Variants in PALD1 observed in about 807,000 individuals in gnomAD.
PALD1 encodes the protein paladin.
Under a neutral mutation model 96.0 loss-of-function variants are expected in PALD1, and 57 were observed. The ratio of observed to expected loss-of-function variants is 0.59; its 90% CI spans 0.48 to 0.74. PALD1 has a LOEUF of 0.74. Among genes scored for constraint, PALD1 ranks in the 30% least tolerant of loss-of-function variants. The probability of loss-of-function intolerance (pLI) is 0.00; values close to 1 mark genes in which losing one functional copy is unlikely to be tolerated. For missense variants in PALD1, 1,063 were observed against 1,143.7 expected (o/e 0.93, Z 1.02); for synonymous variants, 464 against 473.6 (o/e 0.98, Z 0.26).
At position 70,547,418 on chromosome 10, in the gene PALD1, G is replaced by A. The variant is rs777613254; in HGVS notation, c.2234G>A (p.Arg745Gln). Residue 745 changes from arginine (R) to glutamine (Q), a missense_variant, in exon 18 of 20, where the codon CGG (arginine) becomes CAG (glutamine). Arg to Gln is a conservative substitution (Grantham distance 43). Coordinates refer to ENST00000263563, the MANE Select transcript of PALD1 (RefSeq NM_014431.3). ...ETMTPMHYHL[R>Q]EIIICTYRQA... is the part of the protein sequence containing the mutation. ...ATGACGCCCATGCACTACCACCTGC[G>A]GGAGATCATCATCTGCACCTACCGC... 2 of 1,612,060 alleles carry A rather than the reference G, an allele frequency of 1.2e-6. No homozygotes were observed. Among genetic ancestry groups the A allele is most frequent in the East Asian group, 2.2e-5 (1 of 44,876 alleles).
chr10:70,491,947 C>T (rs546543457), intron 1 of PALD1, among the ~76,000 whole-genome samples: 1 of 152,324 alleles, frequency 6.6e-6, no homozygotes, highest in Non-Finnish European at 1.5e-5. Context: ...GGCTGAGTAA[C>T]TTTCCATTGT....
chr10:70,541,442 T>C (rs1230261314), intron 16 of PALD1, 21 bp from the exon 17 acceptor site: 2 of 1,611,650 alleles, frequency 1.2e-6, no homozygotes. Flanking sequence ...GGCTTCTGTC[T>C]CAGCAGCTGT....
At chr10:70,483,897 C>A (rs1017120786) in intron 1 of PALD1, among the ~76,000 whole-genome samples, 5 of 152,186 alleles carry the variant, frequency 3.3e-5, no homozygotes, top group African/African-American at 1.2e-4. Flanking sequence ...GGGATGTATA[C>A]ATCAGGTGCT....
the PALD1 span, among the ~76,000 whole-genome samples, chr10:70,471,707 A>G: frequency 6.6e-6 from 1 of 152,250 alleles, no homozygotes; most frequent in Non-Finnish European, 1.5e-5. Context: ...TTTCTAGGCG[A>G]AAGTCCTAGT....
chr10:70,539,084 G>T lies in PALD1; in HGVS notation c.1570-8G>T. On this transcript the variant is annotated splice_region_variant and splice_polypyrimidine_tract_variant and intron_variant, in intron 13 of 19. Transcript: ENST00000263563. This position sits in a 1 kb window ranked among gnomAD's most constrained non-coding sequence, Gnocchi z 4.5. ...CTGAGCACTCACTGCCGGCCCTCCT[G>T]TGCCCAGGCCCTGGGGAGCATCCTG... 6.2e-7 allele frequency: 1 copy of T among 1,613,822 alleles called. No homozygotes were observed. Among genetic ancestry groups the T allele is most frequent in the Non-Finnish European group, 8.5e-7 (1 of 1,179,864 alleles).
At chr10:70,565,518 G>A (rs954401006) in intron 19 of PALD1, among the ~76,000 whole-genome samples, 3 of 152,206 alleles carry the variant, frequency 2.0e-5, no homozygotes, top group Non-Finnish European at 4.4e-5. Context: ...TGGAGAGCAG[G>A]GGCCGGTGAC....
the PALD1 span, among the ~76,000 whole-genome samples, chr10:70,472,942 C>T: frequency 2.0e-5 from 3 of 152,282 alleles, 1 homozygote; most frequent in Admixed American, 2.0e-4. Flanking sequence ...TTCATTTGAT[C>T]TCAAAACTCG....
At chr10:70,516,889 ATT>A (rs11452196) in intron 1 of PALD1, among the ~76,000 whole-genome samples, 8 of 148,236 alleles carry the variant, frequency 5.4e-5, no homozygotes, top group Non-Finnish European at 7.5e-5. Flanking sequence ...ATTTTACTGT[ATT>A]TTTTTTTTTG....
rs190160670 is a variant in PALD1, at chr10:70,518,198, G to A, written c.-29-7725G>A. ...ATTACAGGCGAGAGCCACCACTCCC[G>A]GCCGCTGTGTGGTATATTATGGTGT... On this transcript the variant is annotated intron_variant, in intron 1 of 19. Transcript: ENST00000263563. Among the ~76,000 whole-genome samples the A allele has an allele frequency of 1.3e-3, 202 of 152,294 alleles. 1 individual carries two copies. The highest frequency in any genetic ancestry group is 2.2e-4 in the Non-Finnish European group (15 of 68,016).
At chr10:70,515,774 C>T (rs1421489844) in intron 1 of PALD1, among the ~76,000 whole-genome samples, 2 of 152,168 alleles carry the variant, frequency 1.3e-5, no homozygotes, top group African/African-American at 2.4e-5. Flanking sequence ...GAAATCAAGC[C>T]ATGAACCCAA....
rs915516207 is a variant in PALD1 at position 70,566,632 on chromosome 10, G to A, written c.2470G>A (p.Glu824Lys). The A allele has an allele frequency of 7.5e-6, 12 of 1,610,484 alleles. No homozygotes were observed. The highest frequency in any genetic ancestry group is 2.2e-5 in the East Asian group (1 of 44,840). ...YEILNELGFP[E>K]LESGEDQPFS... ...GATCCTTAACGAGCTGGGCTTCCCC[G>A]AGCTGGAGAGCGGGGAGGACCAGCC... The change falls in exon 20 of 20, where the codon GAG (glutamate) becomes AAG (lysine). Residue 824 changes from glutamate (E) to lysine (K), a missense_variant. By Grantham distance (56) the Glu-to-Lys change is moderately conservative. Coordinates refer to ENST00000263563, the MANE Select transcript of PALD1 (RefSeq NM_014431.3).
At chr10:70,497,434 C>G (rs1846214078) in intron 1 of PALD1, among the ~76,000 whole-genome samples, 1 of 152,208 alleles carries the variant, frequency 6.6e-6, no homozygotes, top group African/African-American at 2.4e-5. Flanking sequence ...TCCTCAGCGC[C>G]ACTCGCACAG....
At chr10:70,482,904 A>G (rs1845957989) in intron 1 of PALD1, among the ~76,000 whole-genome samples, 1 of 152,154 alleles carries the variant, frequency 6.6e-6, no homozygotes, top group East Asian at 1.9e-4. Flanking sequence ...TATTACCACG[A>G]TGTTATTCTC....
chr10:70,460,030 C>A, the PALD1 span, among the ~76,000 whole-genome samples: 1 of 152,180 alleles, frequency 6.6e-6, no homozygotes, highest in African/African-American at 2.4e-5. Context: ...GGAGAGACTC[C>A]GTGTTACCAA....
chr10:70,537,375 A>G (rs1425696177), intron 10 of PALD1, among the ~76,000 whole-genome samples: 1 of 152,334 alleles, frequency 6.6e-6, no homozygotes, highest in Admixed American at 6.5e-5. Context: ...ACGTGCTGGG[A>G]CCACAGGCGT....
chr10:70,476,360 A>C (rs531876599), upstream of PALD1, among the ~76,000 whole-genome samples: 59 of 152,276 alleles, frequency 3.9e-4, no homozygotes, highest in African/African-American at 1.4e-3. Flanking sequence ...CTCCTTCAAC[A>C]TTCAGTCCTT....
intron 3 of PALD1, 64 bp downstream of exon 3, chr10:70,529,395 C>A: frequency 1.3e-6 from 1 of 746,506 alleles, no homozygotes; most frequent in Non-Finnish European, 2.4e-6. Flanking sequence ...TCATGAATTC[C>A]CTCCCTCACC....
In PALD1 at chr10:70,538,274, C is replaced by T; in HGVS notation, c.1324-6C>T. 1 of 1,600,948 alleles carries T rather than the reference C, an allele frequency of 6.2e-7. No individual in the cohort carries two copies. Among genetic ancestry groups the T allele is most frequent in the Non-Finnish European group, 8.5e-7 (1 of 1,179,850 alleles). On this transcript the variant is annotated splice_region_variant and splice_polypyrimidine_tract_variant and intron_variant, in intron 11 of 19. Transcript: ENST00000263563. ...GAATTCCTCGTCTCTCTGCCTCGGG[C>T]TGCAGTACCCGCTGGCCTTTGCCCT...
chr10:70,513,542 T>G (rs1021322038), intron 1 of PALD1, among the ~76,000 whole-genome samples: 1 of 152,062 alleles, frequency 6.6e-6, no homozygotes, highest in Admixed American at 6.6e-5. Context: ...GTGCAGTAAG[T>G]AAACTCCTGT....
Sources: gnomAD v4.1 joint callset for allele counts (sites outside exome capture counted in the v4.1 genomes callset) on GRCh38, gnomAD v4.1.1 for gene constraint, Gnocchi (gnomAD v3.1) non-coding constraint, MANE v1.5 for transcripts, NCBI Gene and HGNC (gene_info 2026-07-23, HGNC 2026-07-21) for gene names.